PCDHGA8: variants seen among roughly 807,000 people sequenced by gnomAD.
PCDHGA8 encodes the protein protocadherin gamma-A8.
A neutral mutation model predicts 59.2 loss-of-function variants in PCDHGA8; 45 were observed. The observed-to-expected ratio is 0.76, with a 90% confidence interval of 0.60 to 0.98. The LOEUF (loss-of-function observed/expected upper bound fraction) is 0.98, where lower values mean the gene tolerates loss of function less well. Ranked by LOEUF, PCDHGA8 falls within the 50% of genes least tolerant of loss-of-function variation. The probability of loss-of-function intolerance (pLI) is 0.00; values close to 1 mark genes in which losing one functional copy is unlikely to be tolerated. For missense variants in PCDHGA8, 1,257 were observed against 1,196.2 expected (o/e 1.05, Z -0.75); for synonymous variants, 531 against 519.0 (o/e 1.02, Z -0.32).
At position 141,404,477 on chromosome 5, in the gene PCDHGA8, T is replaced by C. The variant is rs750187565; in HGVS notation, c.2424+9240T>C. On this transcript the variant is annotated intron_variant, in intron 1 of 3. Coordinates refer to ENST00000398604, the MANE Select transcript of PCDHGA8 (RefSeq NM_032088.2). ...TCTCTCCACCTATGTCTCTATTAAC[T>C]CAGACACTGGTGTGCTGTATGCTCT... is the stretch of plus-strand genomic sequence containing the variant. The C allele has an allele frequency of 3.1e-6, 5 of 1,613,408 alleles. No individual in the cohort carries two copies. In the South Asian group the frequency reaches 4.4e-5, roughly 14 times the overall value.
chr5:141,475,885 A>T, intron 1 of PCDHGA8: 1 of 556,524 alleles, frequency 1.8e-6, no homozygotes, highest in Non-Finnish European at 3.2e-6. Flanking sequence ...ATTGGCTGGG[A>T]CTCTGTGTGC....
intron 1 of PCDHGA8, among the ~76,000 whole-genome samples, chr5:141,406,662 A>G (rs1357382326): frequency 6.6e-6 from 1 of 152,208 alleles, no homozygotes; most frequent in Non-Finnish European, 1.5e-5. Flanking sequence ...TTAATGTTAA[A>G]TTATGGAGAA....
chr5:141,415,740 GTTTTTTTTTTTTTT>G (rs57426385), intron 1 of PCDHGA8: 52 of 625,016 alleles, frequency 8.3e-5, no homozygotes, highest in East Asian at 4.1e-4. Context: ...GTTTATTAAG[GTTTTTTTTTTTTTT>G]TTTTTTTTTT....
In PCDHGA8 at chr5:141,489,180, C is replaced by T. The variant is rs942218118; in HGVS notation, c.2425-5627C>T. 7.9e-7 allele frequency: 1 copy of T among 1,259,748 alleles called. No homozygotes were observed. The highest frequency in any genetic ancestry group is 2.0e-4 in the Middle Eastern group (1 of 5,096). The allele number at this position is 1,259,748 out of a possible 1,614,324, so 78.0% of individuals were successfully genotyped here. A position where few individuals can be genotyped will look rare whatever the true frequency, so the allele number is the denominator to read the frequency against. On this transcript the variant is annotated intron_variant, in intron 1 of 3. Coordinates refer to ENST00000398604, the MANE Select transcript of PCDHGA8 (RefSeq NM_032088.2). This position sits in a 1 kb window ranked among gnomAD's most constrained non-coding sequence, Gnocchi z 4.5. ...GACTTCAGCTGCTGCATTCCAAGCCCTGGGTCTACCTTGGAGACAGGACAG... is the reference window on the plus strand; with the variant it reads ...GACTTCAGCTGCTGCATTCCAAGCCTTGGGTCTACCTTGGAGACAGGACAG...
In PCDHGA8 at chr5:141,477,080, A is replaced by G; in HGVS notation, c.2425-17727A>G. 1.9e-6 allele frequency: 3 copies of G among 1,614,254 alleles called. No homozygotes were observed. The highest frequency in any genetic ancestry group is 2.5e-6 in the Non-Finnish European group (3 of 1,180,042). ...GGACACCAAACTCCATGAGATTTAC[A>G]TCCAGGCCAAAGACAAGGGCGCCAA... On this transcript the variant is annotated intron_variant, in intron 1 of 3. Coordinates refer to ENST00000398604, the MANE Select transcript of PCDHGA8 (RefSeq NM_032088.2). The surrounding 1 kb of genome is among the most constrained non-coding windows in gnomAD (Gnocchi z 4.9).
chr5:141,419,115 A>G (rs1159582360), intron 1 of PCDHGA8: 1 of 1,613,872 alleles, frequency 6.2e-7, no homozygotes, highest in Non-Finnish European at 8.5e-7. Flanking sequence ...CCAGAGTACA[A>G]CGTCACCATC....
rs1296142784 is a variant in PCDHGA8 at position 141,431,302 on chromosome 5, C to T, written c.2424+36065C>T. ...GCCCGAACACTCACTTCTCCCTCAT[C>T]GTGCAAAATGGAGCCGACGGTAGTA... is the stretch of plus-strand genomic sequence containing the variant. On this transcript the variant is annotated intron_variant, in intron 1 of 3. Coordinates refer to ENST00000398604, the MANE Select transcript of PCDHGA8 (RefSeq NM_032088.2). This position sits in a 1 kb window ranked among gnomAD's most constrained non-coding sequence, Gnocchi z 4.8. 2 of 1,614,028 alleles carry T rather than the reference C, an allele frequency of 1.2e-6. No individual in the cohort carries two copies. Among genetic ancestry groups the T allele is most frequent in the African/African-American group, 1.3e-5 (1 of 74,946 alleles).
Position 141,443,643 on chromosome 5 carries a change from A to C in PCDHGA8, c.2424+48406A>C, listed in dbSNP as rs188777289. The stretch of plus-strand genomic sequence containing the variant: ...GTGATTGTAAAAATTGATCCAGATA[A>C]TGTTAGCATAGCATTTTACTGAACT... On this transcript the variant is annotated intron_variant, in intron 1 of 3. Coordinates refer to ENST00000398604, the MANE Select transcript of PCDHGA8 (RefSeq NM_032088.2). Among the ~76,000 whole-genome samples, 238 of 152,370 alleles carry C rather than the reference A, an allele frequency of 1.6e-3. 2 individuals are homozygous for C. The highest frequency in any genetic ancestry group is 2.5e-3 in the Non-Finnish European group (169 of 68,028).
rs1338955892 is a variant in PCDHGA8, at chr5:141,502,521, T to C, written c.2484-2872T>C. 5.9e-5 allele frequency among the ~76,000 whole-genome samples: 9 copies of C among 152,338 alleles called. No homozygotes were observed. In the East Asian group the frequency reaches 1.7e-3, roughly 29 times the overall value. The stretch of plus-strand genomic sequence containing the variant: ...CGTCGGCCTGTCCCACTATCAGTGA[T>C]GCCGAGTTTGTTCGTGTGGTAAAAA... On this transcript the variant is annotated intron_variant, in intron 2 of 3. Transcript: ENST00000398604.
At chr5:141,398,857 C>A in intron 1 of PCDHGA8, 2 of 1,613,918 alleles carry the variant, frequency 1.2e-6, no homozygotes, top group Middle Eastern at 1.6e-4. Flanking sequence ...GGTATTCAAC[C>A]GAGACGTGTA....
intron 1 of PCDHGA8, among the ~76,000 whole-genome samples, chr5:141,460,804 T>C (rs2098998238): frequency 1.3e-5 from 2 of 152,020 alleles, no homozygotes; most frequent in African/African-American, 4.8e-5. Flanking sequence ...AGTATATATA[T>C]GTATGTATAC....
intron 2 of PCDHGA8, among the ~76,000 whole-genome samples, chr5:141,496,335 C>G (rs2099768099): frequency 1.3e-5 from 2 of 152,204 alleles, no homozygotes; most frequent in Admixed American, 6.5e-5. Flanking sequence ...AAGTCAGGAG[C>G]CTGGAGGAGT....
intron 1 of PCDHGA8, chr5:141,395,547 TGTG>T (rs1561655259): frequency 0.04 from 6,887 of 174,198 alleles, 418 homozygotes; most frequent in African/African-American, 0.079. Context: ...ATTGTTTGTG[TGTG>T]TGTGTGTGTG....
chr5:141,417,658 G>C, intron 1 of PCDHGA8: 2 of 869,072 alleles, frequency 2.3e-6, no homozygotes, highest in Non-Finnish European at 1.7e-6. Context: ...TCTAGCCTGG[G>C]ATTCCCTGCG....
At position 141,510,842 on chromosome 5, in the gene PCDHGA8, G is replaced by A. The variant is rs531098325; in HGVS notation, c.2573-105G>A. 8.7e-5 allele frequency: 138 copies of A among 1,590,280 alleles called. No homozygotes were observed. The African/African-American group carries it at 1.7e-3, about 19-fold the overall frequency. ...TATTCCCAGTGCTCAGCGTGGTCAA[G>A]GCCCAGGGTGCTGTATAGGCATTCA... On this transcript the variant is annotated intron_variant, in intron 3 of 3. Coordinates refer to ENST00000398604, the MANE Select transcript of PCDHGA8 (RefSeq NM_032088.2).
chr5:141,394,195 T>A lies in PCDHGA8; in HGVS notation c.1382T>A (p.Ile461Asn), dbSNP rs930890690. The A allele has an allele frequency of 6.2e-7, 1 of 1,613,768 alleles. No individual in the cohort carries two copies. The highest frequency in any genetic ancestry group is 8.5e-7 in the Non-Finnish European group (1 of 1,179,826). The change falls in exon 1 of 4, where the codon ATC (isoleucine) becomes AAC (asparagine). Residue 461 changes from isoleucine (I) to asparagine (N), a missense_variant. Transcript: ENST00000398604. ...CCTCATGCCTCCTACTCAGCGTATA[T>A]CCTAGAGAACAACCTGAGAGGAGCC... Reference protein sequence around the residue: ...TFPHASYSAYILENNLRGASI... With the variant: ...TFPHASYSAYNLENNLRGASI...
chr5:141,429,377 G>T (rs1029180912), intron 1 of PCDHGA8, among the ~76,000 whole-genome samples: 1 of 149,434 alleles, frequency 6.7e-6, no homozygotes, highest in African/African-American at 2.5e-5. Context: ...GAGAAAATGT[G>T]TTTTTTTTTT....
rs2097542578 is a variant in PCDHGA8 at position 141,432,849 on chromosome 5, T to C, written c.2424+37612T>C. On this transcript the variant is annotated intron_variant, in intron 1 of 3. Coordinates refer to ENST00000398604, the MANE Select transcript of PCDHGA8 (RefSeq NM_032088.2). The surrounding 1 kb of genome is among the most constrained non-coding windows in gnomAD (Gnocchi z 6.0). ...CTCACTCTGTACCTGGTGGTAGCGG[T>C]GGCCGCGGTCTCCTGCGTCTTCCTG... 2 of 1,614,076 alleles carry C rather than the reference T, an allele frequency of 1.2e-6. No individual in the cohort carries two copies. Among genetic ancestry groups the C allele is most frequent in the South Asian group, 1.1e-5 (1 of 91,096 alleles).
In PCDHGA8 at chr5:141,486,005, A is replaced by G. The variant is rs1057476811; in HGVS notation, c.2425-8802A>G. On this transcript the variant is annotated intron_variant, in intron 1 of 3. Transcript: ENST00000398604. This position sits in a 1 kb window ranked among gnomAD's most constrained non-coding sequence, Gnocchi z 5.0. Reference sequence around the variant, plus strand: ...GGACCTGGGTCCCAGTGGTAACGTCACCTTTTATTTCAGTGGTCATACCCC... The same window carrying G: ...GGACCTGGGTCCCAGTGGTAACGTCGCCTTTTATTTCAGTGGTCATACCCC... 1.9e-6 allele frequency: 3 copies of G among 1,613,936 alleles called. No homozygotes were observed. The Admixed American group carries it at 5.0e-5, about 27-fold the overall frequency.
Sources: allele counts gnomAD v4.1 joint callset (sites outside exome capture counted in the v4.1 genomes callset), GRCh38; gene constraint gnomAD v4.1.1; non-coding constraint Gnocchi (gnomAD v3.1); transcripts MANE v1.5; gene names NCBI Gene and HGNC (gene_info 2026-07-23, HGNC 2026-07-21).